BLTP1: variants seen among roughly 807,000 people sequenced by gnomAD.
BLTP1 encodes the protein fragile site-associated protein.
At chr4:122,199,217 T>A in the BLTP1 span, 1 of 1,097,432 alleles carries the variant, frequency 9.1e-7, no homozygotes, top group Non-Finnish European at 1.2e-6. Flanking sequence ...GCAAGCTCCC[T>A]GTCACTGAGG....
chr4:122,286,315 AAATAATACTTGCTT>A, the BLTP1 span: 2 of 442,092 alleles, frequency 4.5e-6, no homozygotes, highest in Non-Finnish European at 6.0e-6. Context: ...CAGTCTTAAT[AAATAATACTTGCTT>A]AATAATACTG....
chr4:122,187,639 G>T, the BLTP1 span: 1 of 958,126 alleles, frequency 1.0e-6, no homozygotes. Flanking sequence ...TCCCATTTCT[G>T]TATAGTGTGA....
chr4:122,219,540 G>T, the BLTP1 span: 1 of 1,613,806 alleles, frequency 6.2e-7, no homozygotes, highest in Non-Finnish European at 8.5e-7. Context: ...TTGTTAATTT[G>T]TACAAAGTTC....
the BLTP1 span, among the ~76,000 whole-genome samples, chr4:122,260,946 A>G: frequency 6.6e-6 from 1 of 152,176 alleles, no homozygotes; most frequent in Non-Finnish European, 1.5e-5. Flanking sequence ...CTGATAAAGT[A>G]TAGGATGATA....
At chr4:122,267,151 C>T in the BLTP1 span, among the ~76,000 whole-genome samples, 1,786 of 145,800 alleles carry the variant, frequency 0.012, 35 homozygotes, top group African/African-American at 0.043. Flanking sequence ...CTCCACCTCC[C>T]GGGTTCATGC....
At chr4:122,186,885 ATT>A in the BLTP1 span, 1 of 280,816 alleles carries the variant, frequency 3.6e-6, no homozygotes, top group East Asian at 1.7e-4. Flanking sequence ...ATTTCTTAAC[ATT>A]TGTGTACTTT....
At chr4:122,339,553 A>C in the BLTP1 span, 1 of 596,830 alleles carries the variant, frequency 1.7e-6, no homozygotes, top group South Asian at 4.5e-5. Flanking sequence ...AATCTATAGC[A>C]GACCAATGTT....
the BLTP1 span, among the ~76,000 whole-genome samples, chr4:122,230,732 C>A: frequency 6.6e-6 from 1 of 152,106 alleles, no homozygotes; most frequent in Non-Finnish European, 1.5e-5. Context: ...TGAATCACTT[C>A]CATTTAAAAT....
the BLTP1 span, chr4:122,286,518 A>G: frequency 5.8e-5 from 94 of 1,613,534 alleles, no homozygotes; most frequent in South Asian, 9.2e-4. Flanking sequence ...AGCACAAACA[A>G]TAACTTTTCT....
At chr4:122,316,256 T>C in the BLTP1 span, 1 of 357,572 alleles carries the variant, frequency 2.8e-6, no homozygotes, top group Non-Finnish European at 5.7e-6. Flanking sequence ...TTTTAAAAAT[T>C]ATTTTCAATA....
the BLTP1 span, chr4:122,299,777 G>C: frequency 1.0e-6 from 1 of 984,028 alleles, no homozygotes; most frequent in Non-Finnish European, 1.2e-6. Flanking sequence ...GCTGTAGGTA[G>C]GGTTATCAAT....
chr4:122,302,811 C>T, the BLTP1 span, among the ~76,000 whole-genome samples: 3 of 152,190 alleles, frequency 2.0e-5, no homozygotes, highest in Admixed American at 2.0e-4. Flanking sequence ...AGACCAGCCA[C>T]AACATTCCCC....
the BLTP1 span, chr4:122,187,334 A>G: frequency 6.6e-7 from 1 of 1,523,720 alleles, no homozygotes; most frequent in Non-Finnish European, 8.8e-7. Flanking sequence ...TGGAAAGGTA[A>G]ACTGAAACTG....
At chr4:122,334,962 T>G in the BLTP1 span, among the ~76,000 whole-genome samples, 2 of 151,992 alleles carry the variant, frequency 1.3e-5, no homozygotes, top group African/African-American at 2.4e-5. Flanking sequence ...CAACCACAGG[T>G]TCTGCTGATC....
chr4:122,309,185 A>C, the BLTP1 span: 1 of 1,507,454 alleles, frequency 6.6e-7, no homozygotes, highest in Admixed American at 2.2e-5. Flanking sequence ...CTAGATTTCT[A>C]TTCCTATGAA....
the BLTP1 span, among the ~76,000 whole-genome samples, chr4:122,286,009 GA>G: frequency 6.6e-6 from 1 of 152,188 alleles, no homozygotes; most frequent in South Asian, 2.1e-4. Flanking sequence ...ATGGTCCCAT[GA>G]ATAATTATGA....
At chr4:122,264,457 A>G in the BLTP1 span, 43 of 1,555,642 alleles carry the variant, frequency 2.8e-5, no homozygotes, top group Non-Finnish European at 3.4e-5. Context: ...CCTAATTATA[A>G]TAATACCTCC....
chr4:122,350,762 G>A, the BLTP1 span, among the ~76,000 whole-genome samples: 7 of 152,138 alleles, frequency 4.6e-5, no homozygotes, highest in Non-Finnish European at 8.8e-5. Flanking sequence ...GGGGAAGAGA[G>A]TTCCAGGCAT....
chr4:122,343,874 C>A, the BLTP1 span: 1 of 779,960 alleles, frequency 1.3e-6, no homozygotes, highest in Non-Finnish European at 1.6e-6. Context: ...TCAGAGATTA[C>A]TTATGTTATT....
Sources: allele counts gnomAD v4.1 joint callset (sites outside exome capture counted in the v4.1 genomes callset), GRCh38; gene constraint gnomAD v4.1.1; transcripts MANE v1.5; gene names NCBI Gene and HGNC (gene_info 2026-07-23, HGNC 2026-07-21).